CMC1: variants seen among roughly 807,000 people sequenced by gnomAD.
The protein encoded by CMC1 is C-X9-C motif containing 1, also known as COX assembly mitochondrial protein homolog.
Under a neutral mutation model 14.1 loss-of-function variants are expected in CMC1, and 14 were observed. That is an observed-to-expected ratio of 0.99 (90% CI 0.66 to 1.55). The LOEUF (loss-of-function observed/expected upper bound fraction) is 1.55. Ranked by LOEUF, CMC1 falls within the 40% of genes most tolerant of loss-of-function variation. The probability of loss-of-function intolerance (pLI) is 0.00; values close to 1 mark genes in which losing one functional copy is unlikely to be tolerated. For missense variants in CMC1, 127 were observed against 123.8 expected (o/e 1.03, Z -0.12); for synonymous variants, 50 against 38.4 (o/e 1.30, Z -1.12).
At chr3:28,258,091 C>G (rs1053509038) in intron 1 of CMC1, among the ~76,000 whole-genome samples, 3 of 107,588 alleles carry the variant, frequency 2.8e-5, no homozygotes, top group Non-Finnish European at 6.1e-5. Context: ...TATATACTTA[C>G]AATTTGCATA....
chr3:28,269,722 C>A (rs922489014), intron 2 of CMC1, among the ~76,000 whole-genome samples: 2 of 152,258 alleles, frequency 1.3e-5, no homozygotes, highest in East Asian at 3.9e-4. Context: ...CACGCCATGA[C>A]GCCTCGCTAA....
At chr3:28,296,755 G>A (rs1431051062) in intron 2 of CMC1, among the ~76,000 whole-genome samples, 2 of 151,830 alleles carry the variant, frequency 1.3e-5, no homozygotes, top group Non-Finnish European at 2.9e-5. Flanking sequence ...AACATATATT[G>A]AATTCTAACA....
At chr3:28,278,311 CTCAGAGTTTAGTT>C (rs1244701915) in intron 2 of CMC1, among the ~76,000 whole-genome samples, 1 of 152,098 alleles carries the variant, frequency 6.6e-6, no homozygotes, top group Non-Finnish European at 1.5e-5. Context: ...GGTAGATGGA[CTCAGAGTTTAGTT>C]TTGGATATGT....
Position 28,324,512 on chromosome 3 carries a change from C to A in CMC1, c.*4883C>A. ...TCATTACATTTGTGATCATAAAATT[C>A]GATAACACTTCACCAATTTGAATTC... On this transcript the variant is annotated 3_prime_UTR_variant, in exon 4 of 4. Coordinates refer to ENST00000466830, the MANE Select transcript of CMC1 (RefSeq NM_182523.2). The A allele has an allele frequency of 2.2e-6, 3 of 1,356,940 alleles. No individual in the cohort carries two copies. Among genetic ancestry groups the A allele is most frequent in the Non-Finnish European group, 1.9e-6 (2 of 1,031,478 alleles). 84.1% of individuals were successfully genotyped at this position (1,356,940 alleles called of 1,614,324 possible).
Position 28,324,608 on chromosome 3 carries a change from G to A in CMC1, c.*4979G>A. 1 of 584,980 alleles carries A rather than the reference G, an allele frequency of 1.7e-6. No homozygotes were observed. The highest frequency in any genetic ancestry group is 3.2e-5 in the East Asian group (1 of 31,612). 36.2% of individuals were successfully genotyped at this position (584,980 alleles called of 1,614,324 possible). On this transcript the variant is annotated 3_prime_UTR_variant, in exon 4 of 4. Transcript: ENST00000466830. Reference sequence around the variant, plus strand: ...GAGGCACTGTGACTAGGAGATAAATGACAGATGATCTGAGTTTTAATCCTG... The same window carrying A: ...GAGGCACTGTGACTAGGAGATAAATAACAGATGATCTGAGTTTTAATCCTG...
intron 2 of CMC1, among the ~76,000 whole-genome samples, chr3:28,278,074 T>TGATGTGATTGTGTGATG (rs1700681681): frequency 6.6e-6 from 1 of 152,144 alleles, no homozygotes; most frequent in African/African-American, 2.4e-5. Context: ...ATTGTGTGAT[T>TGATGTGATTGTGTGATG]GATGTGATTG....
chr3:28,246,798 ATTTTTTTT>A (rs770788764), intron 1 of CMC1, among the ~76,000 whole-genome samples: 18 of 121,462 alleles, frequency 1.5e-4, no homozygotes, highest in Non-Finnish European at 3.0e-4. Context: ...GGGTCCATTG[ATTTTTTTT>A]TTTTTTTTTT....
At chr3:28,268,614 T>G (rs1354255723) in intron 2 of CMC1, among the ~76,000 whole-genome samples, 1 of 152,172 alleles carries the variant, frequency 6.6e-6, no homozygotes, top group Middle Eastern at 3.2e-3. Flanking sequence ...AATTACGAAA[T>G]GGGGACACTC....
intron 1 of CMC1, among the ~76,000 whole-genome samples, chr3:28,260,518 AT>A (rs1347550065): frequency 6.6e-6 from 1 of 151,218 alleles, no homozygotes; most frequent in African/African-American, 2.4e-5. Flanking sequence ...TATAAATTTT[AT>A]TGATCTTATC....
Position 28,263,352 on chromosome 3 carries a change from C to A in CMC1, c.81C>A (p.Ala27=). The stretch of plus-strand genomic sequence containing the variant: ...TCCCTAAAATAATGAGAGAAAAGGC[C>A]AAAGAGAGGTGTTCTGAACAAGTTC... The part of the protein sequence containing the change: ...VLIPKIMREK[A]KERCSEQVQD... Residue 27 remains alanine (A), a synonymous_variant, in exon 2 of 4, where the codon GCC becomes GCA. Transcript: ENST00000466830. The A allele has an allele frequency of 6.2e-7, 1 of 1,606,676 alleles. No individual in the cohort carries two copies. The highest frequency in any genetic ancestry group is 8.5e-7 in the Non-Finnish European group (1 of 1,176,228).
intron 2 of CMC1, among the ~76,000 whole-genome samples, chr3:28,305,737 A>T (rs1577083947): frequency 1.4e-5 from 2 of 140,818 alleles, no homozygotes; most frequent in African/African-American, 2.7e-5. Flanking sequence ...TTAGTCATAA[A>T]TTTTTTGCCT....
At chr3:28,274,225 T>G (rs1482384886) in intron 2 of CMC1, among the ~76,000 whole-genome samples, 1 of 144,244 alleles carries the variant, frequency 6.9e-6, no homozygotes, top group Non-Finnish European at 1.5e-5. Context: ...TTTTTCTTTT[T>G]TTTTTTTTTT....
chr3:28,294,525 T>G, intron 2 of CMC1: 1 of 822,096 alleles, frequency 1.2e-6, no homozygotes, highest in Non-Finnish European at 1.5e-6. Flanking sequence ...GCTACATAAA[T>G]AGTAGTGAGT....
chr3:28,294,212 CAAA>C (rs1701628557), intron 2 of CMC1, among the ~76,000 whole-genome samples: 2 of 151,836 alleles, frequency 1.3e-5, no homozygotes, highest in African/African-American at 4.8e-5. Flanking sequence ...TGAGCTCTGT[CAAA>C]AAAATTACAT....
chr3:28,279,653 A>G (rs1262619548), intron 2 of CMC1, among the ~76,000 whole-genome samples: 2 of 144,012 alleles, frequency 1.4e-5, no homozygotes, highest in East Asian at 3.9e-4. Context: ...AAATTCTAAA[A>G]CTGAAAAAAA....
At chr3:28,260,499 C>G (rs898859597) in intron 1 of CMC1, among the ~76,000 whole-genome samples, 1 of 150,530 alleles carries the variant, frequency 6.6e-6, no homozygotes, top group Non-Finnish European at 1.5e-5. Context: ...CTTAGTCTGG[C>G]TAGTGGTTTA....
intron 2 of CMC1, among the ~76,000 whole-genome samples, chr3:28,293,279 C>A (rs1438901113): frequency 1.3e-5 from 2 of 151,116 alleles, no homozygotes; most frequent in Non-Finnish European, 2.9e-5. Context: ...GAGAAGCTTT[C>A]CATTTGATTA....
chr3:28,270,335 A>G (rs926450846), intron 2 of CMC1, among the ~76,000 whole-genome samples: 10 of 152,190 alleles, frequency 6.6e-5, no homozygotes, highest in Admixed American at 6.5e-5. Flanking sequence ...GAATCACCAC[A>G]CTGTCTTCCA....
intron 2 of CMC1, among the ~76,000 whole-genome samples, chr3:28,278,267 T>C (rs1321990390): frequency 6.6e-6 from 1 of 152,204 alleles, no homozygotes; most frequent in Non-Finnish European, 1.5e-5. Flanking sequence ...AGACTGTGTG[T>C]GGAGAAATTA....
Sources: allele counts gnomAD v4.1 joint callset (sites outside exome capture counted in the v4.1 genomes callset), GRCh38; gene constraint gnomAD v4.1.1; transcripts MANE v1.5; gene names NCBI Gene and HGNC (gene_info 2026-07-23, HGNC 2026-07-21).